The following NFATC4 variants were observed in gnomAD, a reference collection of about 807,000 sequenced individuals.
The protein encoded by NFATC4 is nuclear factor of activated T-cells, cytoplasmic 4.
NFATC4 carries 25 observed loss-of-function variants against 73.4 expected under a neutral mutation model. That is an observed-to-expected ratio of 0.34 (90% CI 0.25 to 0.48). The LOEUF (loss-of-function observed/expected upper bound fraction) is 0.48, where lower values mean the gene tolerates loss of function less well. NFATC4 is among the 20% of genes least tolerant of loss of function. The probability of loss-of-function intolerance (pLI) is 0.99; values close to 1 mark genes in which losing one functional copy is unlikely to be tolerated. For missense variants in NFATC4, 1,130 were observed against 1,203.7 expected, an observed-to-expected ratio of 0.94 and a Z score of 0.91; for synonymous variants, 523 against 510.3, an observed-to-expected ratio of 1.02 and a Z score of -0.34.
Position 24,376,798 on chromosome 14 carries a change from C to A in NFATC4, c.2561C>A (p.Pro854Gln). ...GGCTATGGCCCTGGGGAGGGGGCTC[C>A]GGAGCAGGAGAAATCCAGGGGTGGC... ...GPGYGPGEGAPEQEKSRGGYS... is the reference protein window; with the variant it reads ...GPGYGPGEGAQEQEKSRGGYS... The change falls in exon 9 of 10, where the codon CCG (proline) becomes CAG (glutamine). Residue 854 changes from proline (P) to glutamine (Q), a missense_variant. Physicochemically the swap from Pro to Gln is moderately conservative, Grantham distance 76 (BLOSUM62 -1). This residue lies in a region of NFATC4 where 390 missense variants were observed against 408.1 expected (regional missense o/e 0.96). Transcript: ENST00000250373. The surrounding 1 kb of genome is among the most constrained non-coding windows in gnomAD (Gnocchi z 5.0). 6.2e-7 allele frequency: 1 copy of A among 1,610,034 alleles called. No homozygotes were observed. Among genetic ancestry groups the A allele is most frequent in the South Asian group, 1.1e-5 (1 of 90,546 alleles).
Position 24,377,458 on chromosome 14 carries a change from G to T in NFATC4, c.2642-180G>T, listed in dbSNP as rs2042654680. ...ACATGGAGGGAGTTGGGCAAGATTT[G>T]ATTCGGAGCAGGTGTCAAGACGTGT... On this transcript the variant is annotated intron_variant, in intron 9 of 9. Transcript: ENST00000250373. The surrounding 1 kb of genome is among the most constrained non-coding windows in gnomAD (Gnocchi z 4.2). The T allele has an allele frequency of 7.0e-7, 1 of 1,432,222 alleles. No homozygotes were observed. The allele number at this position is 1,432,222 out of a possible 1,614,324, so 88.7% of individuals were successfully genotyped here.
rs2042644893 is a variant in NFATC4 at position 24,377,093 on chromosome 14, T to C, written c.2641+215T>C. ...TGCATGGGGTAACTGTCTCAGCCTT[T>C]CTCCTGTCTCTGCCTCTGTCCTCTG... On this transcript the variant is annotated intron_variant, in intron 9 of 9. Transcript: ENST00000250373. This position sits in a 1 kb window ranked among gnomAD's most constrained non-coding sequence, Gnocchi z 4.2. 3 of 1,321,070 alleles carry C rather than the reference T, an allele frequency of 2.3e-6. No homozygotes were observed. In the South Asian group the frequency reaches 7.7e-5, roughly 34 times the overall value. The allele number at this position is 1,321,070 out of a possible 1,614,324, so 81.8% of individuals were successfully genotyped here.
Position 24,374,456 on chromosome 14 carries a change from G to C in NFATC4, c.1863G>C (p.Glu621Asp), listed in dbSNP as rs2042560000. 1 of 1,613,356 alleles carries C rather than the reference G, an allele frequency of 6.2e-7. No individual in the cohort carries two copies. The highest frequency in any genetic ancestry group is 8.5e-7 in the Non-Finnish European group (1 of 1,179,520). ...CAGACTCCAAGGTGGTGTTCATTGA[G>C]AGGGGTCCTGGTGAGTACCTGCTGG... ...FLPDSKVVFI[E>D]RGPDGKLQWE... Residue 621 changes from glutamate to aspartate, a missense_variant, in exon 6 of 10, where the codon GAG (glutamate) becomes GAC (aspartate). Coordinates refer to ENST00000250373, the MANE Select transcript of NFATC4 (RefSeq NM_004554.5).
In NFATC4 at chr14:24,377,306, G is replaced by T; in HGVS notation, c.2642-332G>T. On this transcript the variant is annotated intron_variant, in intron 9 of 9. Coordinates refer to ENST00000250373, the MANE Select transcript of NFATC4 (RefSeq NM_004554.5). The surrounding 1 kb of genome is among the most constrained non-coding windows in gnomAD (Gnocchi z 4.2). Reference sequence around the variant, plus strand: ...GTCTGTGGTCAGGGTTGGTGAGGAGGAGCTTTCCTGTTTTGCCTCTCCTTC... The same window carrying T: ...GTCTGTGGTCAGGGTTGGTGAGGAGTAGCTTTCCTGTTTTGCCTCTCCTTC... 7.9e-7 allele frequency: 1 copy of T among 1,270,816 alleles called. No homozygotes were observed. Among genetic ancestry groups the T allele is most frequent in the Non-Finnish European group, 9.9e-7 (1 of 1,008,154 alleles). The allele number at this position is 1,270,816 out of a possible 1,614,324, so 78.7% of individuals were successfully genotyped here.
At chr14:24,375,759 G>GCCCCCC in intron 7 of NFATC4, 44 bp downstream of exon 7, 35 of 616,914 alleles carry the variant, frequency 5.7e-5, no homozygotes, top group Non-Finnish European at 1.0e-4. Flanking sequence ...GGGGGTGGGA[G>GCCCCCC]AAGGCAGGGG....
Position 24,377,236 on chromosome 14 carries a change from A to C in NFATC4, c.2641+358A>C. 1 of 1,249,816 alleles carries C rather than the reference A, an allele frequency of 8.0e-7. No individual in the cohort carries two copies. The highest frequency in any genetic ancestry group is 3.2e-5 in the East Asian group (1 of 30,890). The allele number at this position is 1,249,816 out of a possible 1,614,324, so 77.4% of individuals were successfully genotyped here. ...AGGGATGGTAGCTTGCTGAGGTCCCAGTCAAGCACACTTGCCATTGCCTCA... is the reference window on the plus strand; with the variant it reads ...AGGGATGGTAGCTTGCTGAGGTCCCCGTCAAGCACACTTGCCATTGCCTCA... On this transcript the variant is annotated intron_variant, in intron 9 of 9. Transcript: ENST00000250373. The surrounding 1 kb of genome is among the most constrained non-coding windows in gnomAD (Gnocchi z 4.2).
upstream of NFATC4, chr14:24,367,262 AGAG>A (rs1489691745): frequency 2.5e-6 from 4 of 1,602,720 alleles, no homozygotes; most frequent in Admixed American, 5.1e-5. Context: ...AGGAGGGGGA[AGAG>A]GAGGGGAACC....
In NFATC4 at chr14:24,377,650, T is replaced by C. The variant is rs778574475; in HGVS notation, c.2654T>C (p.Ile885Thr). 8.1e-6 allele frequency: 13 copies of C among 1,614,034 alleles called. No individual in the cohort carries two copies. Among genetic ancestry groups the C allele is most frequent in the Non-Finnish European group, 1.0e-5 (12 of 1,180,026 alleles). ...CCCTCCTTTACAGTGAGTGAGATCA[T>C]TGGCCGAGACCTGAGTGGCTTCCCT... The part of the protein sequence containing the change: ...GITLEEVSEI[I>T]GRDLSGFPAP... The change falls in exon 10 of 10, where the codon ATT becomes ACT. Residue 885 changes from isoleucine (I) to threonine (T), a missense_variant. Coordinates refer to ENST00000250373, the MANE Select transcript of NFATC4 (RefSeq NM_004554.5). This position sits in a 1 kb window ranked among gnomAD's most constrained non-coding sequence, Gnocchi z 4.2.
At position 24,376,598 on chromosome 14, in the gene NFATC4, C is replaced by T; in HGVS notation, c.2361C>T (p.Phe787=). 1.9e-6 allele frequency: 3 copies of T among 1,613,878 alleles called. No individual in the cohort carries two copies. Among genetic ancestry groups the T allele is most frequent in the Non-Finnish European group, 2.5e-6 (3 of 1,179,922 alleles). The change falls in exon 9 of 10, where the codon TTC becomes TTT. Residue 787 remains phenylalanine, a synonymous_variant. Transcript: ENST00000250373. This position sits in a 1 kb window ranked among gnomAD's most constrained non-coding sequence, Gnocchi z 5.0. The part of the protein sequence containing the change: ...PPAVSFLPRP[F]PSDPYGGRGS... ...CAGTTTCCTTCCTTCCCCGCCCCTT[C>T]CCTAGTGACCCGTATGGAGGGCGGG...
At position 24,376,117 on chromosome 14, in the gene NFATC4, G is replaced by A; in HGVS notation, c.2056+16G>A. 2 of 1,613,922 alleles carry A rather than the reference G, an allele frequency of 1.2e-6. No homozygotes were observed. On this transcript the variant is annotated intron_variant, in intron 8 of 9. Transcript: ENST00000250373. The surrounding 1 kb of genome is among the most constrained non-coding windows in gnomAD (Gnocchi z 5.0). ...TTTCTGCCTGGTGCGCTCTGGGACA[G>A]CCCATGGTGGGGGTATAGGGATATG...
chr14:24,372,629 ATCC>A, intron 3 of NFATC4, 26 bp downstream of exon 3: 1 of 1,613,402 alleles, frequency 6.2e-7, no homozygotes, highest in Non-Finnish European at 8.5e-7. Context: ...CAGGCCTGAT[ATCC>A]TCTCTCCTCT....
chr14:24,369,651 T>A lies in NFATC4; in HGVS notation c.253T>A (p.Trp85Arg), dbSNP rs775619762. The change falls in exon 2 of 10, where the codon TGG (tryptophan) becomes AGG (arginine). Residue 85 changes from tryptophan (W) to arginine (R), a missense_variant. Trp to Arg is a moderately radical substitution (Grantham distance 101). Around this residue, in one of 3 missense-constraint regions of NFATC4, gnomAD observed 585 missense variants for 574.3 expected, o/e 1.02. Coordinates refer to ENST00000250373, the MANE Select transcript of NFATC4 (RefSeq NM_004554.5). ...PPRPAPSPGT[W>R]ESQPARSVRL... ...GCGACCAGCCCCCTCACCTGGCACC[T>A]GGGAGAGCCAGCCCGCCAGGTCGGT... 2 of 1,612,968 alleles carry A rather than the reference T, an allele frequency of 1.2e-6. No individual in the cohort carries two copies. The highest frequency in any genetic ancestry group is 2.2e-5 in the South Asian group (2 of 91,038).
In NFATC4 at chr14:24,373,765, G is replaced by A; in HGVS notation, c.1630G>A (p.Gly544Arg). 6 of 1,614,150 alleles carry A rather than the reference G, an allele frequency of 3.7e-6. No homozygotes were observed. The highest frequency in any genetic ancestry group is 1.7e-5 in the Admixed American group (1 of 60,026). ...GCTTCGGAAGGGTGAGACGGACATC[G>A]GGCGCAAAAACACACGTGTACGGCT... ...IELRKGETDI[G>R]RKNTRVRLVF... The change falls in exon 5 of 10, where the codon GGG (glycine) becomes AGG (arginine). Residue 544 changes from glycine to arginine, a missense_variant. Coordinates refer to ENST00000250373, the MANE Select transcript of NFATC4 (RefSeq NM_004554.5). This position sits in a 1 kb window ranked among gnomAD's most constrained non-coding sequence, Gnocchi z 4.7.
In NFATC4 at chr14:24,376,594, C is replaced by T; in HGVS notation, c.2357C>T (p.Pro786Leu). The T allele has an allele frequency of 1.2e-6, 2 of 1,613,992 alleles. No homozygotes were observed. The highest frequency in any genetic ancestry group is 1.7e-6 in the Non-Finnish European group (2 of 1,179,974). The change falls in exon 9 of 10, where the codon CCC (proline) becomes CTC (leucine). Residue 786 changes from proline to leucine, a missense_variant. Pro to Leu is a moderately conservative substitution (Grantham distance 98). Around this residue, in one of 3 missense-constraint regions of NFATC4, gnomAD observed 390 missense variants for 408.1 expected, o/e 0.96. Transcript: ENST00000250373. This position sits in a 1 kb window ranked among gnomAD's most constrained non-coding sequence, Gnocchi z 5.0. Reference sequence around the variant, plus strand: ...CCTGCAGTTTCCTTCCTTCCCCGCCCCTTCCCTAGTGACCCGTATGGAGGG... The same window carrying T: ...CCTGCAGTTTCCTTCCTTCCCCGCCTCTTCCCTAGTGACCCGTATGGAGGG... Reference protein sequence around the residue: ...QPPAVSFLPRPFPSDPYGGRG... With the variant: ...QPPAVSFLPRLFPSDPYGGRG...
chr14:24,376,935 GT>G lies in NFATC4; in HGVS notation c.2641+60del, dbSNP rs2042641325. 1 of 1,458,752 alleles carries G rather than the reference GT, an allele frequency of 6.9e-7. No homozygotes were observed. Among genetic ancestry groups the G allele is most frequent in the African/African-American group, 1.4e-5 (1 of 69,940 alleles). The allele number at this position is 1,458,752 out of a possible 1,614,324, so 90.4% of individuals were successfully genotyped here. A position where few individuals can be genotyped will look rare whatever the true frequency, so the allele number is the denominator to read the frequency against. On this transcript the variant is annotated intron_variant, in intron 9 of 9. Transcript: ENST00000250373. The surrounding 1 kb of genome is among the most constrained non-coding windows in gnomAD (Gnocchi z 5.0). ...GTGTGTGCAAGAGATTGCTCTGCAT[GT>G]TTGCTGAGGGCTGGAGCTGGGCTTT...
Position 24,373,578 on chromosome 14 carries a change from G to C in NFATC4, c.1560-117G>C. ...CTCTGGGTTAGAAAATAGCCTCCTA[G>C]GCACTCATCGAAAGTCATTCAAGGC... On this transcript the variant is annotated intron_variant, in intron 4 of 9. Transcript: ENST00000250373. This position sits in a 1 kb window ranked among gnomAD's most constrained non-coding sequence, Gnocchi z 4.7. The C allele has an allele frequency of 6.8e-7, 1 of 1,466,854 alleles. No individual in the cohort carries two copies. Among genetic ancestry groups the C allele is most frequent in the Non-Finnish European group, 9.2e-7 (1 of 1,081,666 alleles). The allele number at this position is 1,466,854 out of a possible 1,614,324, so 90.9% of individuals were successfully genotyped here.
Position 24,377,861 on chromosome 14 carries a change from C to A in NFATC4, c.*156C>A, listed in dbSNP as rs912792136. The A allele has an allele frequency of 8.7e-5, 124 of 1,428,642 alleles. No individual in the cohort carries two copies. The highest frequency in any genetic ancestry group is 3.0e-4 in the African/African-American group (21 of 70,758). The allele number at this position is 1,428,642 out of a possible 1,614,324, so 88.5% of individuals were successfully genotyped here. On this transcript the variant is annotated 3_prime_UTR_variant, in exon 10 of 10. Coordinates refer to ENST00000250373, the MANE Select transcript of NFATC4 (RefSeq NM_004554.5). The surrounding 1 kb of genome is among the most constrained non-coding windows in gnomAD (Gnocchi z 4.2). ...TCTCACTGTCTTCCCTCCCCTCCCC[C>A]AGCTGAGGTGTGGCCCTCAGGCCTG...
chr14:24,367,878 C>T (rs2042348084), upstream of NFATC4: 1 of 1,350,070 alleles, frequency 7.4e-7, no homozygotes, highest in East Asian at 2.7e-5. Flanking sequence ...GACCCAGAAC[C>T]TTGAACTGAG....
Position 24,370,076 on chromosome 14 carries a change from C to T in NFATC4, c.678C>T (p.Thr226=). Residue 226 remains threonine, a synonymous_variant, in exon 2 of 10, where the codon ACC becomes ACT. Coordinates refer to ENST00000250373, the MANE Select transcript of NFATC4 (RefSeq NM_004554.5). The part of the protein sequence containing the change: ...PSPRASPRPW[T]PEDPWSLYGP... Reference sequence around the variant, plus strand: ...CCCGGGCCTCCCCTCGGCCATGGACCCCCGAAGATCCCTGGAGCCTGTATG... The same window carrying T: ...CCCGGGCCTCCCCTCGGCCATGGACTCCCGAAGATCCCTGGAGCCTGTATG... The T allele has an allele frequency of 6.2e-7, 1 of 1,605,462 alleles. No homozygotes were observed. Among genetic ancestry groups the T allele is most frequent in the Non-Finnish European group, 8.5e-7 (1 of 1,179,808 alleles).
Sources: allele counts gnomAD v4.1 joint callset, GRCh38; gene constraint gnomAD v4.1.1; regional missense constraint gnomAD v4.1.1; non-coding constraint Gnocchi (gnomAD v3.1); transcripts MANE v1.5; gene names NCBI Gene and HGNC (gene_info 2026-07-23, HGNC 2026-07-21).